The following NBAS variants were observed in gnomAD, a reference collection of about 807,000 sequenced individuals.
The protein encoded by NBAS is NAG/BC035112 fusion.
NBAS carries 219 observed loss-of-function variants against 302.5 expected under a neutral mutation model. The observed-to-expected ratio is 0.72, with a 90% confidence interval of 0.65 to 0.81. The LOEUF is 0.81. NBAS is among the 30% of genes least tolerant of loss of function. The probability of loss-of-function intolerance (pLI) is 0.00; values close to 1 mark genes in which losing one functional copy is unlikely to be tolerated. For missense variants in NBAS, 2,932 were observed against 2,841.6 expected, an observed-to-expected ratio of 1.03 and a Z score of -0.72; for synonymous variants, 1,118 against 1,021.6, an observed-to-expected ratio of 1.09 and a Z score of -1.80.
chr2:15,524,836 T>C (rs2148666155), intron 9 of NBAS, among the ~76,000 whole-genome samples: 2 of 151,996 alleles, frequency 1.3e-5, no homozygotes, highest in African/African-American at 2.4e-5. Flanking sequence ...AATTCTGATG[T>C]CCATACCTTG....
the NBAS span, among the ~76,000 whole-genome samples, chr2:15,098,396 T>A: frequency 0.56 from 5,329 of 9,510 alleles, 2,487 homozygotes; most frequent in Non-Finnish European, 0.64. Flanking sequence ...TATTGTATAT[T>A]ATATATTATA....
chr2:15,093,568 TA>T, the NBAS span, among the ~76,000 whole-genome samples: 2 of 152,242 alleles, frequency 1.3e-5, no homozygotes, highest in Non-Finnish European at 1.5e-5. Context: ...TTTGACCCAG[TA>T]ATTCTATTTC....
At chr2:15,256,849 T>A (rs190454380) in intron 44 of NBAS, among the ~76,000 whole-genome samples, 216 of 152,358 alleles carry the variant, frequency 1.4e-3, no homozygotes, top group African/African-American at 4.3e-3. Flanking sequence ...GTTTATGTGA[T>A]ATATCACATT....
chr2:14,949,124 A>C, the NBAS span, among the ~76,000 whole-genome samples: 6 of 152,186 alleles, frequency 3.9e-5, no homozygotes, highest in Non-Finnish European at 7.4e-5. Flanking sequence ...CTAAGACTTG[A>C]AACTACGAAA....
chr2:14,910,680 G>C, the NBAS span, among the ~76,000 whole-genome samples: 1 of 152,218 alleles, frequency 6.6e-6, no homozygotes, highest in African/African-American at 2.4e-5. Flanking sequence ...CGCATGATTT[G>C]GGTGTCAAAA....
chr2:15,342,082 C>G (rs1371494193), intron 35 of NBAS, among the ~76,000 whole-genome samples: 1 of 152,054 alleles, frequency 6.6e-6, no homozygotes, highest in African/African-American at 2.4e-5. Flanking sequence ...AGCATTTACA[C>G]AAAGTTATAA....
the NBAS span, among the ~76,000 whole-genome samples, chr2:14,932,224 C>A: frequency 5.3e-5 from 8 of 151,882 alleles, no homozygotes; most frequent in Admixed American, 4.6e-4. Context: ...TGGCATGAAC[C>A]AACCTTTGCA....
chr2:15,273,166 A>G (rs1669407483), intron 44 of NBAS, among the ~76,000 whole-genome samples: 1 of 152,154 alleles, frequency 6.6e-6, no homozygotes, highest in Admixed American at 6.5e-5. Flanking sequence ...ACTGCCTGGG[A>G]GCAAAGTCAC....
chr2:15,392,472 G>A (rs570366816), intron 28 of NBAS, among the ~76,000 whole-genome samples: 20 of 151,996 alleles, frequency 1.3e-4, no homozygotes, highest in African/African-American at 4.3e-4. Flanking sequence ...GTATTTCTAC[G>A]CATTAGGAAG....
At chr2:15,551,270 A>G (rs1664369582) in intron 6 of NBAS, among the ~76,000 whole-genome samples, 1 of 152,018 alleles carries the variant, frequency 6.6e-6, no homozygotes, top group Admixed American at 6.6e-5. Context: ...TAACTGGCTT[A>G]GACTTTTTTA....
the NBAS span, among the ~76,000 whole-genome samples, chr2:15,150,134 G>A: frequency 6.6e-6 from 1 of 151,286 alleles, no homozygotes; most frequent in African/African-American, 2.4e-5. Flanking sequence ...TATATGGGAA[G>A]CATTGTGAAA....
At chr2:14,842,765 C>T in the NBAS span, among the ~76,000 whole-genome samples, 1 of 145,654 alleles carries the variant, frequency 6.9e-6, no homozygotes, top group African/African-American at 2.5e-5. Flanking sequence ...TACTCAGACT[C>T]AAAAACATTG....
chr2:15,414,512 T>C (rs943587911), intron 25 of NBAS, among the ~76,000 whole-genome samples: 1 of 152,192 alleles, frequency 6.6e-6, no homozygotes, highest in African/African-American at 2.4e-5. Flanking sequence ...AATTTTTAGG[T>C]TTCTGATATT....
chr2:15,160,592 A>AGG, the NBAS span, among the ~76,000 whole-genome samples: 194 of 56,556 alleles, frequency 3.4e-3, 1 homozygote, highest in African/African-American at 8.8e-3. Context: ...GGGCGGGGGG[A>AGG]GGGGGGGGGG....
chr2:14,998,484 G>GCGGT, the NBAS span, among the ~76,000 whole-genome samples: 1 of 152,186 alleles, frequency 6.6e-6, no homozygotes, highest in Non-Finnish European at 1.5e-5. Context: ...CTTGGGTGAG[G>GCGGT]CGGTACCTTA....
At chr2:15,175,492 C>A (rs1229386824) in intron 51 of NBAS, among the ~76,000 whole-genome samples, 1 of 152,172 alleles carries the variant, frequency 6.6e-6, no homozygotes, top group Non-Finnish European at 1.5e-5. Flanking sequence ...AAGAGGCTTC[C>A]ATCCAAACAG....
chr2:15,396,346 T>C (rs1675863181), intron 27 of NBAS, 67 bp downstream of exon 27: 9 of 1,297,134 alleles, frequency 6.9e-6, no homozygotes, highest in Non-Finnish European at 8.7e-6. Context: ...GCAGACTTAA[T>C]GTGACATTTC....
intron 11 of NBAS, among the ~76,000 whole-genome samples, chr2:15,490,694 C>T (rs1451025707): frequency 6.6e-6 from 1 of 152,218 alleles, no homozygotes; most frequent in Non-Finnish European, 1.5e-5. Context: ...TGCCCATGAT[C>T]ACTCAAGTGT....
At chr2:14,901,222 A>C in the NBAS span, among the ~76,000 whole-genome samples, 2 of 152,246 alleles carry the variant, frequency 1.3e-5, no homozygotes, top group Non-Finnish European at 2.9e-5. Context: ...TGGATTAGTT[A>C]GTAGGTGCTC....
Sources: gnomAD v4.1 joint callset for allele counts (sites outside exome capture counted in the v4.1 genomes callset) on GRCh38, gnomAD v4.1.1 for gene constraint, MANE v1.5 for transcripts, NCBI Gene and HGNC (gene_info 2026-07-23, HGNC 2026-07-21) for gene names.